PIK3C2G: variants seen among roughly 807,000 people sequenced by gnomAD.
The protein encoded by PIK3C2G is phosphatidylinositol-4-phosphate 3-kinase catalytic subunit type 2 gamma, also known as phosphatidylinositol 3-kinase C2 domain-containing subunit gamma.
A neutral mutation model predicts 181.1 loss-of-function variants in PIK3C2G; 168 were observed. That is an observed-to-expected ratio of 0.93 (90% confidence interval 0.82 to 1.05). PIK3C2G has a LOEUF of 1.05. Among genes scored for constraint, PIK3C2G ranks in the 50% least tolerant of loss-of-function variants. The probability of loss-of-function intolerance (pLI) is 0.00; values close to 1 mark genes in which losing one functional copy is unlikely to be tolerated. For synonymous variants in PIK3C2G, 573 were observed against 592.2 expected (o/e 0.97, Z 0.47); for missense variants, 1,869 against 1,732.8 (o/e 1.08, Z -1.40).
intron 29 of PIK3C2G, among the ~76,000 whole-genome samples, chr12:18,584,767 G>T (rs1282270025): frequency 6.6e-6 from 1 of 151,828 alleles, no homozygotes; most frequent in Non-Finnish European, 1.5e-5. Context: ...TGAAATGAAA[G>T]AAAAAATATT....
At position 18,566,928 on chromosome 12, in the gene PIK3C2G, CT is replaced by C. The variant is rs146706404; in HGVS notation, c.3903-13del. The C allele has an allele frequency of 2.6e-5, 35 of 1,322,860 alleles. No individual in the cohort carries two copies. The highest frequency in any genetic ancestry group is 4.8e-5 in the South Asian group (4 of 83,128). 81.9% of individuals were successfully genotyped at this position (1,322,860 alleles called of 1,614,324 possible). ...CCAGTTTTCAAACTAATGAAGATAA[CT>C]TTTTTTTCTCTTAAAACAGGTTTCC... is the stretch of plus-strand genomic sequence containing the variant. On this transcript the variant is annotated intron_variant, in intron 28 of 32. Transcript: ENST00000538779.
chr12:18,650,175 G>A (rs1950355904), downstream of PIK3C2G, among the ~76,000 whole-genome samples: 1 of 151,664 alleles, frequency 6.6e-6, no homozygotes, highest in Non-Finnish European at 1.5e-5. Flanking sequence ...CAGGGATCAG[G>A]GAAAATATTA....
intron 32 of PIK3C2G, among the ~76,000 whole-genome samples, chr12:18,645,458 G>T (rs1205852593): frequency 6.6e-6 from 1 of 152,066 alleles, no homozygotes; most frequent in Admixed American, 6.6e-5. Context: ...AAAAACTTTG[G>T]AAGTTCAAAT....
chr12:18,370,588 G>C (rs1565646298), intron 12 of PIK3C2G, among the ~76,000 whole-genome samples: 1 of 151,976 alleles, frequency 6.6e-6, no homozygotes, highest in Non-Finnish European at 1.5e-5. Context: ...AAATTCTTTT[G>C]CCTGGCATGT....
rs376048368 is a variant in PIK3C2G at position 18,561,748 on chromosome 12, C to CA, written c.3591-946dup. Among the ~76,000 whole-genome samples, 1,118 of 148,554 alleles carry CA rather than the reference C, an allele frequency of 7.5e-3. 13 individuals carry two copies. Among genetic ancestry groups the CA allele is most frequent in the African/African-American group, 0.025 (1,028 of 40,652 alleles). ...ATTAGAATGCAAACTTTCTTAAATA[C>CA]AAAAAAAAACCTTTAAAAAGCAGAG... is the stretch of plus-strand genomic sequence containing the variant. On this transcript the variant is annotated intron_variant, in intron 26 of 32. Transcript: ENST00000538779.
At position 18,506,167 on chromosome 12, in the gene PIK3C2G, G is replaced by A. The variant is rs190006082; in HGVS notation, c.3323+706G>A. Among the ~76,000 whole-genome samples the A allele has an allele frequency of 3.4e-3, 521 of 152,166 alleles. 1 individual carries two copies. The highest frequency in any genetic ancestry group is 5.8e-3 in the Non-Finnish European group (396 of 68,002). ...GAGATCCATGAGAAGAGAATTCCAG[G>A]AAGAAACAACAGCACATACAATAGC... On this transcript the variant is annotated intron_variant, in intron 24 of 32. Coordinates refer to ENST00000538779, the MANE Select transcript of PIK3C2G (RefSeq NM_001288772.2).
At chr12:18,421,500 A>C (rs1219334921) in intron 17 of PIK3C2G, among the ~76,000 whole-genome samples, 1 of 152,000 alleles carries the variant, frequency 6.6e-6, no homozygotes, top group Non-Finnish European at 1.5e-5. Context: ...TAGTATCATC[A>C]AATATCACAA....
chr12:18,426,530 T>A (rs571831030), intron 18 of PIK3C2G, among the ~76,000 whole-genome samples: 1 of 152,318 alleles, frequency 6.6e-6, no homozygotes, highest in African/African-American at 2.4e-5. Flanking sequence ...TGATTCAATT[T>A]TAATTTCATA....
intron 31 of PIK3C2G, among the ~76,000 whole-genome samples, chr12:18,617,727 G>A (rs913534216): frequency 6.6e-6 from 1 of 152,140 alleles, no homozygotes; most frequent in South Asian, 2.1e-4. Context: ...CCAGAGACCT[G>A]AGCATCTTCT....
the PIK3C2G span, among the ~76,000 whole-genome samples, chr12:18,692,230 T>C: frequency 6.6e-6 from 1 of 152,182 alleles, no homozygotes; most frequent in East Asian, 1.9e-4. Flanking sequence ...GGATCTGAGA[T>C]GGTTTATACA....
intron 9 of PIK3C2G, among the ~76,000 whole-genome samples, chr12:18,341,613 T>C (rs1224831174): frequency 6.6e-6 from 1 of 152,212 alleles, no homozygotes; most frequent in Non-Finnish European, 1.5e-5. Flanking sequence ...GTTGCATTTA[T>C]ACTTTTGTTC....
intron 26 of PIK3C2G, among the ~76,000 whole-genome samples, chr12:18,556,337 G>A (rs1474601793): frequency 5.9e-5 from 9 of 152,084 alleles, no homozygotes; most frequent in Admixed American, 5.9e-4. Context: ...GCACTGTTTT[G>A]TCTGACCCGT....
At chr12:18,408,699 TAAAC>T (rs1345362314) in intron 16 of PIK3C2G, among the ~76,000 whole-genome samples, 1 of 152,010 alleles carries the variant, frequency 6.6e-6, no homozygotes, top group Non-Finnish European at 1.5e-5. Flanking sequence ...ACGAAGAACT[TAAAC>T]AAATTTAAAG....
intron 9 of PIK3C2G, among the ~76,000 whole-genome samples, chr12:18,340,360 C>T (rs1376067314): frequency 6.6e-6 from 1 of 152,148 alleles, no homozygotes; most frequent in Non-Finnish European, 1.5e-5. Context: ...CATTCAATGT[C>T]ATCCTCGGCC....
At chr12:18,652,183 C>T (rs949171075), downstream of PIK3C2G, among the ~76,000 whole-genome samples, 14 of 152,090 alleles carry the variant, frequency 9.2e-5, no homozygotes, top group African/African-American at 3.4e-4. Context: ...AAAAAGGTTA[C>T]TAAAGATGTA....
chr12:18,660,436 G>A, the PIK3C2G span, among the ~76,000 whole-genome samples: 2 of 152,104 alleles, frequency 1.3e-5, no homozygotes, highest in Non-Finnish European at 2.9e-5. Context: ...ATCCAGGGGG[G>A]TTTAAAGGGC....
the PIK3C2G span, among the ~76,000 whole-genome samples, chr12:18,662,526 A>G: frequency 6.6e-6 from 1 of 152,282 alleles, no homozygotes; most frequent in African/African-American, 2.4e-5. Context: ...GTGAAGAAGT[A>G]AAGATCCACA....
At chr12:18,655,599 C>T in the PIK3C2G span, among the ~76,000 whole-genome samples, 465 of 152,098 alleles carry the variant, frequency 3.1e-3, 2 homozygotes, top group Non-Finnish European at 4.0e-3. Flanking sequence ...AGTAGAGAAA[C>T]CCTGACAAAT....
In PIK3C2G at chr12:18,282,514, G is replaced by A. The variant is rs1362876515; in HGVS notation, c.433G>A (p.Ala145Thr). The change falls in exon 2 of 33, where the codon GCT becomes ACT. Residue 145 changes from alanine to threonine, a missense_variant. By Grantham distance (58) the Ala-to-Thr change is moderately conservative. Transcript: ENST00000538779. ...TGATGATTCCAGATTCAGTATTTTA[G>A]CTCCATCATTCACAAGTTTGGATAA... ...GADDSRFSIL[A>T]PSFTSLDKIN... 3 of 1,612,088 alleles carry A rather than the reference G, an allele frequency of 1.9e-6. No individual in the cohort carries two copies. The highest frequency in any genetic ancestry group is 2.5e-6 in the Non-Finnish European group (3 of 1,178,496).
Sources: gnomAD v4.1 joint callset for allele counts (sites outside exome capture counted in the v4.1 genomes callset) on GRCh38, gnomAD v4.1.1 for gene constraint, MANE v1.5 for transcripts, NCBI Gene and HGNC (gene_info 2026-07-23, HGNC 2026-07-21) for gene names.